ROBO2: variants seen among roughly 807,000 people sequenced by gnomAD.
ROBO2 encodes the protein roundabout guidance receptor 2, also known as roundabout homolog 2.
Under a neutral mutation model 160.8 loss-of-function variants are expected in ROBO2, and 53 were observed. The observed-to-expected ratio is 0.33, with a 90% CI of 0.26 to 0.41. ROBO2 has a LOEUF of 0.41. Among genes scored for constraint, ROBO2 ranks in the 10% least tolerant of loss-of-function variants. ROBO2 has a pLI of 1.00. For missense variants in ROBO2, 1,577 were observed against 1,722.4 expected (o/e 0.92, Z 1.49); for synonymous variants, 664 against 611.7 (o/e 1.09, Z -1.26).
intron 2 of ROBO2, among the ~76,000 whole-genome samples, chr3:76,496,939 T>C (rs556541666): frequency 6.6e-6 from 1 of 152,318 alleles, no homozygotes; most frequent in Admixed American, 6.5e-5. Flanking sequence ...ATAGTCACAA[T>C]GAACCTTTTA....
At chr3:76,242,998 G>T (rs180984603) in intron 2 of ROBO2, among the ~76,000 whole-genome samples, 1 of 152,252 alleles carries the variant, frequency 6.6e-6, no homozygotes, top group Non-Finnish European at 1.5e-5. Flanking sequence ...CTGCATGGAC[G>T]ATTCCCCCGC....
At chr3:77,297,747 C>T (rs1234451123) in intron 2 of ROBO2, among the ~76,000 whole-genome samples, 1 of 152,170 alleles carries the variant, frequency 6.6e-6, no homozygotes, top group East Asian at 1.9e-4. Context: ...CGCTAGTTAA[C>T]ACTCAGAGGT....
intron 1 of ROBO2, among the ~76,000 whole-genome samples, chr3:77,080,534 T>C (rs1008235931): frequency 1.3e-5 from 2 of 152,194 alleles, no homozygotes; most frequent in African/African-American, 4.8e-5. Context: ...AAGGTCTGAA[T>C]ATCGAGTACA....
intron 2 of ROBO2, among the ~76,000 whole-genome samples, chr3:76,812,268 C>A (rs890944630): frequency 1.4e-5 from 2 of 144,936 alleles, no homozygotes; most frequent in East Asian, 4.1e-4. Flanking sequence ...AGCATTATTT[C>A]TTATATTGAA....
chr3:76,621,727 T>G (rs2089099526), intron 2 of ROBO2, among the ~76,000 whole-genome samples: 1 of 152,246 alleles, frequency 6.6e-6, no homozygotes, highest in Non-Finnish European at 1.5e-5. Context: ...ACATAAGTAC[T>G]TGTTACTGCT....
At chr3:76,355,676 T>A (rs1290399639) in intron 2 of ROBO2, among the ~76,000 whole-genome samples, 4 of 151,782 alleles carry the variant, frequency 2.6e-5, no homozygotes, top group Non-Finnish European at 4.4e-5. Flanking sequence ...ACTGGATAAA[T>A]AAAAAATTCT....
chr3:77,124,704 C>T (rs1182790452), intron 2 of ROBO2, among the ~76,000 whole-genome samples: 4 of 152,052 alleles, frequency 2.6e-5, no homozygotes, highest in Admixed American at 2.6e-4. Context: ...AGTGCAGTTA[C>T]CTTAATTTTA....
At chr3:77,602,844 G>C (rs1357061714) in intron 20 of ROBO2, 1 of 467,422 alleles carries the variant, frequency 2.1e-6, no homozygotes, top group Non-Finnish European at 4.3e-6. Flanking sequence ...CACAACATCT[G>C]CTTCTGAGTT....
At chr3:76,648,680 T>G (rs904208368) in intron 2 of ROBO2, among the ~76,000 whole-genome samples, 5 of 152,030 alleles carry the variant, frequency 3.3e-5, no homozygotes, top group Non-Finnish European at 4.4e-5. Context: ...ATATATGAGG[T>G]CAGGTATCAA....
chr3:76,572,177 T>C (rs891334346), intron 2 of ROBO2, among the ~76,000 whole-genome samples: 1 of 152,092 alleles, frequency 6.6e-6, no homozygotes, highest in Non-Finnish European at 1.5e-5. Context: ...GGCAGTACTA[T>C]CACTAACCCC....
rs71101901 is a variant in ROBO2, at chr3:76,580,342, G to GTTTTTTTTTTTTTTTTTTTTTTTGT, written c.110-517661_110-517660insTTTTTTTTTTTTGTTTTTTTTTTTT. ...GTTTTTTTTTTGTTTTTTTTTTTGT[G>GTTTTTTTTTTTTTTTTTTTTTTTGT]TTTTTTTTTTTGTTTTTTTTTTTGG... On this transcript the variant is annotated intron_variant, in intron 2 of 26. Transcript: ENST00000487694. 9.1e-4 allele frequency among the ~76,000 whole-genome samples: 82 copies of GTTTTTTTTTTTTTTTTTTTTTTTGT among 90,556 alleles called. 1 individual carries two copies. Among genetic ancestry groups the GTTTTTTTTTTTTTTTTTTTTTTTGT allele is most frequent in the Non-Finnish European group, 1.0e-3 (51 of 48,600 alleles). 59.4% of individuals were successfully genotyped at this position (90,556 alleles called of 152,430 possible). A position where few individuals can be genotyped will look rare whatever the true frequency, so the allele number is the denominator to read the frequency against.
chr3:76,046,580 G>A (rs983025820), intron 2 of ROBO2, among the ~76,000 whole-genome samples: 2 of 151,848 alleles, frequency 1.3e-5, no homozygotes, highest in Admixed American at 6.6e-5. Flanking sequence ...CCCGGGAGGC[G>A]GAGCTTGCAG....
At chr3:76,416,818 G>A (rs914128547) in intron 2 of ROBO2, among the ~76,000 whole-genome samples, 1 of 152,088 alleles carries the variant, frequency 6.6e-6, no homozygotes, top group African/African-American at 2.4e-5. Flanking sequence ...AGTTTGCTTT[G>A]ATGGGAATCT....
In ROBO2 at chr3:76,860,587, A is replaced by G. The variant is rs146964999; in HGVS notation, c.110-237427A>G. On this transcript the variant is annotated intron_variant, in intron 2 of 26. Transcript: ENST00000487694. ...CTAACTTCTACTAAAATGTAAGGAC[A>G]TTTACCATCCTCTGCTTCAGGCTAA... Among the ~76,000 whole-genome samples the G allele has an allele frequency of 5.9e-5, 9 of 152,238 alleles. No individual in the cohort carries two copies. The East Asian group carries it at 1.5e-3, about 26-fold the overall frequency.
At chr3:77,029,005 C>T (rs1251091112) in intron 2 of ROBO2, among the ~76,000 whole-genome samples, 4 of 152,006 alleles carry the variant, frequency 2.6e-5, no homozygotes, top group South Asian at 2.1e-4. Flanking sequence ...GAATTTGGTC[C>T]GGGATTTTTG....
At chr3:77,396,836 G>T (rs145784102) in intron 2 of ROBO2, among the ~76,000 whole-genome samples, 8 of 152,094 alleles carry the variant, frequency 5.3e-5, no homozygotes, top group Middle Eastern at 3.4e-3. Flanking sequence ...ACTTATGTGG[G>T]CAATTTATTC....
At chr3:75,940,886 A>T (rs1948024812) in intron 2 of ROBO2, among the ~76,000 whole-genome samples, 1 of 152,022 alleles carries the variant, frequency 6.6e-6, no homozygotes, top group Non-Finnish European at 1.5e-5. Context: ...AACCCAACTC[A>T]TTTACAGGAT....
intron 2 of ROBO2, among the ~76,000 whole-genome samples, chr3:76,599,710 T>A (rs2086988666): frequency 1.3e-5 from 2 of 152,178 alleles, no homozygotes; most frequent in African/African-American, 4.8e-5. Context: ...CTCCAGCACC[T>A]GTTAGTTTTT....
chr3:76,228,462 CAG>C (rs1704424679), intron 2 of ROBO2, among the ~76,000 whole-genome samples: 2 of 6,828 alleles, frequency 2.9e-4, no homozygotes, highest in African/African-American at 3.7e-4. Flanking sequence ...TAGCAAATTA[CAG>C]ACAGACAGTT....
Sources: allele counts gnomAD v4.1 joint callset (sites outside exome capture counted in the v4.1 genomes callset), GRCh38; gene constraint gnomAD v4.1.1; transcripts MANE v1.5; gene names NCBI Gene and HGNC (gene_info 2026-07-23, HGNC 2026-07-21).